CSGALNACT1: variants seen among roughly 807,000 people sequenced by gnomAD.
The protein encoded by CSGALNACT1 is chondroitin sulfate N-acetylgalactosaminyltransferase 1, also known as beta4GalNAcT-1.
In CSGALNACT1, 52 loss-of-function variants were observed where a neutral mutation model predicts 51.0. The ratio of observed to expected loss-of-function variants is 1.02; its 90% CI spans 0.82 to 1.29. CSGALNACT1 has a LOEUF of 1.29. CSGALNACT1 is among the 50% of genes most tolerant of loss of function. The pLI, the probability that CSGALNACT1 is intolerant of heterozygous loss-of-function variation, is 0.00. For missense variants in CSGALNACT1, 935 were observed against 679.2 expected (o/e 1.38, Z -4.19); for synonymous variants, 341 against 254.4 (o/e 1.34, Z -3.24).
rs145809096 is a variant in CSGALNACT1 at position 19,581,521 on chromosome 8, C to T, written c.-297+9639G>A. ...ACTCGGGAGGCTTAGGCAGGAGAAT[C>T]GCTTGAACCAGGGAGTCGGAGGTTG... On this transcript the variant is annotated intron_variant, in intron 3 of 9. Transcript: ENST00000454498. Among the ~76,000 whole-genome samples the T allele has an allele frequency of 3.0e-3, 461 of 152,192 alleles. 4 individuals are homozygous for T. The highest frequency in any genetic ancestry group is 0.011 in the African/African-American group (447 of 41,526).
chr8:19,474,320 A>G (rs985356412), intron 4 of CSGALNACT1, among the ~76,000 whole-genome samples: 3 of 152,168 alleles, frequency 2.0e-5, no homozygotes, highest in Non-Finnish European at 4.4e-5. Flanking sequence ...CTACTTTCCA[A>G]TATAAAGAAA....
chr8:19,410,895 G>A (rs762851018), intron 8 of CSGALNACT1, among the ~76,000 whole-genome samples: 3 of 152,232 alleles, frequency 2.0e-5, no homozygotes, highest in Non-Finnish European at 2.9e-5. Context: ...ACCCACAGCT[G>A]TGCTGGGTCG....
intron 6 of CSGALNACT1, among the ~76,000 whole-genome samples, chr8:19,435,016 A>G (rs1326947943): frequency 6.6e-6 from 1 of 152,050 alleles, no homozygotes; most frequent in Non-Finnish European, 1.5e-5. Context: ...GATAACGACA[A>G]CAACCCTCTC....
intron 1 of CSGALNACT1, among the ~76,000 whole-genome samples, chr8:19,677,510 A>G (rs1465308414): frequency 6.6e-6 from 1 of 152,218 alleles, no homozygotes; most frequent in East Asian, 1.9e-4. Flanking sequence ...AACCAACATT[A>G]GAACAATGAC....
intron 3 of CSGALNACT1, among the ~76,000 whole-genome samples, chr8:19,563,500 G>A (rs930046751): frequency 4.6e-5 from 7 of 151,986 alleles, no homozygotes; most frequent in African/African-American, 1.2e-4. Context: ...ACCTGGAGTC[G>A]CCTTTACCCA....
chr8:19,517,931 C>A (rs990237967), intron 3 of CSGALNACT1, among the ~76,000 whole-genome samples: 2 of 152,120 alleles, frequency 1.3e-5, no homozygotes, highest in African/African-American at 2.4e-5. Flanking sequence ...AAGTAGATGC[C>A]CATGTAATGG....
intron 1 of CSGALNACT1, among the ~76,000 whole-genome samples, chr8:19,722,548 A>C (rs993822832): frequency 3.9e-5 from 6 of 152,152 alleles, no homozygotes; most frequent in African/African-American, 1.4e-4. Flanking sequence ...CCATTTGCAC[A>C]TGGTCTCCCC....
intron 6 of CSGALNACT1, among the ~76,000 whole-genome samples, chr8:19,428,677 G>C (rs1002374266): frequency 1.3e-5 from 2 of 152,082 alleles, no homozygotes; most frequent in Non-Finnish European, 2.9e-5. Flanking sequence ...CATTAAGTAC[G>C]ATGCTTCTTT....
At chr8:19,527,745 G>A (rs56240661) in intron 3 of CSGALNACT1, among the ~76,000 whole-genome samples, 1,761 of 152,266 alleles carry the variant, frequency 0.012, 20 homozygotes, top group Non-Finnish European at 0.016. Context: ...AAGTAGCAGG[G>A]TCAGGCTGTA....
At chr8:19,581,374 C>T (rs2045529873) in intron 3 of CSGALNACT1, among the ~76,000 whole-genome samples, 1 of 152,162 alleles carries the variant, frequency 6.6e-6, no homozygotes, top group South Asian at 2.1e-4. Flanking sequence ...ATTAGTAAAA[C>T]TAAGGATAAA....
intron 1 of CSGALNACT1, among the ~76,000 whole-genome samples, chr8:19,731,773 C>G (rs1410563822): frequency 6.6e-6 from 1 of 152,200 alleles, no homozygotes; most frequent in Non-Finnish European, 1.5e-5. Context: ...ATCTCAGGCT[C>G]TAATTCTTGA....
At chr8:19,542,052 C>G (rs1031331856) in intron 3 of CSGALNACT1, among the ~76,000 whole-genome samples, 1 of 152,116 alleles carries the variant, frequency 6.6e-6, no homozygotes, top group Admixed American at 6.5e-5. Flanking sequence ...AAAAAATATT[C>G]TCTAACCAAG....
chr8:19,472,738 G>A (rs1177011282), intron 4 of CSGALNACT1, among the ~76,000 whole-genome samples: 1 of 152,114 alleles, frequency 6.6e-6, no homozygotes, highest in Non-Finnish European at 1.5e-5. Context: ...AAAACATAAA[G>A]ATGCTTCAAA....
At chr8:19,596,414 G>A (rs1019949079) in intron 2 of CSGALNACT1, among the ~76,000 whole-genome samples, 2 of 151,986 alleles carry the variant, frequency 1.3e-5, no homozygotes, top group African/African-American at 2.4e-5. Flanking sequence ...AGTGTGTCAC[G>A]CCCTCTGCTT....
chr8:19,512,316 A>G (rs1483681449), intron 3 of CSGALNACT1, among the ~76,000 whole-genome samples: 1 of 152,326 alleles, frequency 6.6e-6, no homozygotes, highest in Non-Finnish European at 1.5e-5. Flanking sequence ...CTGCAGCTAC[A>G]GGTAAGGCCT....
chr8:19,482,397 C>T (rs142496268), intron 4 of CSGALNACT1, among the ~76,000 whole-genome samples: 1,728 of 152,220 alleles, frequency 0.011, 36 homozygotes, highest in African/African-American at 0.04. Flanking sequence ...TTTTCTTGTC[C>T]CACGGCAACC....
upstream of CSGALNACT1, among the ~76,000 whole-genome samples, chr8:19,607,481 A>C (rs181200979): frequency 8.5e-5 from 13 of 152,314 alleles, no homozygotes; most frequent in East Asian, 2.5e-3. Flanking sequence ...TCCGTAAAAG[A>C]GCTATTTTCC....
At chr8:19,730,381 G>T (rs1355482542) in intron 1 of CSGALNACT1, among the ~76,000 whole-genome samples, 1 of 152,150 alleles carries the variant, frequency 6.6e-6, no homozygotes, top group Non-Finnish European at 1.5e-5. Context: ...AGGACTCCTA[G>T]TCAAGCTGCT....
chr8:19,699,758 A>G (rs1373260680), intron 1 of CSGALNACT1, among the ~76,000 whole-genome samples: 1 of 152,214 alleles, frequency 6.6e-6, no homozygotes, highest in African/African-American at 2.4e-5. Context: ...ACTGAATTGT[A>G]CACTTAAACA....
Sources: allele counts gnomAD v4.1 joint callset (sites outside exome capture counted in the v4.1 genomes callset), GRCh38; gene constraint gnomAD v4.1.1; transcripts MANE v1.5; gene names NCBI Gene and HGNC (gene_info 2026-07-23, HGNC 2026-07-21).